The following SOX6 variants were observed in gnomAD, a reference collection of about 807,000 sequenced individuals.
SOX6 encodes the protein transcription factor SOX-6.
A neutral mutation model predicts 97.8 loss-of-function variants in SOX6; 11 were observed. The ratio of observed to expected loss-of-function variants is 0.11; its 90% confidence interval spans 0.07 to 0.19. SOX6 has a LOEUF of 0.19. Among genes scored for constraint, SOX6 ranks in the 10% least tolerant of loss-of-function variants. The probability of loss-of-function intolerance (pLI) is 1.00; values close to 1 mark genes in which losing one functional copy is unlikely to be tolerated. For synonymous variants in SOX6, 360 were observed against 371.4 expected (o/e 0.97, Z 0.35); for missense variants, 810 against 1,039.5 (o/e 0.78, Z 3.04).
At chr11:16,353,779 A>T (rs1291201948) in intron 1 of SOX6, among the ~76,000 whole-genome samples, 1 of 151,986 alleles carries the variant, frequency 6.6e-6, no homozygotes, top group African/African-American at 2.4e-5. Context: ...ACATATTTGC[A>T]CACCTACCAA....
At chr11:16,125,981 T>A (rs1849602043) in intron 6 of SOX6, among the ~76,000 whole-genome samples, 1 of 152,110 alleles carries the variant, frequency 6.6e-6, no homozygotes, top group Non-Finnish European at 1.5e-5. Flanking sequence ...GAAATTAGGA[T>A]ACAAGGAAAG....
At chr11:16,069,362 A>G (rs1428341091) in intron 9 of SOX6, among the ~76,000 whole-genome samples, 1 of 152,122 alleles carries the variant, frequency 6.6e-6, no homozygotes, top group Admixed American at 6.5e-5. Context: ...GTTCATACAT[A>G]CTCATTTCTC....
chr11:16,520,744 C>T (rs113501898), intron 4 of SOX6, among the ~76,000 whole-genome samples: 8 of 152,174 alleles, frequency 5.3e-5, no homozygotes, highest in South Asian at 4.1e-4. Context: ...GGGTGATGGA[C>T]GGCACCTGGA....
chr11:16,190,381 A>C (rs1565008855), intron 4 of SOX6, among the ~76,000 whole-genome samples: 1 of 152,200 alleles, frequency 6.6e-6, no homozygotes, highest in Non-Finnish European at 1.5e-5. Flanking sequence ...GCACAGACTC[A>C]GCCAATCTCG....
chr11:16,147,346 C>G (rs974556348), intron 6 of SOX6, among the ~76,000 whole-genome samples: 1 of 151,706 alleles, frequency 6.6e-6, no homozygotes, highest in Admixed American at 6.6e-5. Flanking sequence ...ACACTGGGGC[C>G]TGTTGTGGGG....
At chr11:16,018,862 C>A (rs1028485217) in intron 12 of SOX6, among the ~76,000 whole-genome samples, 1 of 151,902 alleles carries the variant, frequency 6.6e-6, no homozygotes, top group Non-Finnish European at 1.5e-5. Context: ...CAGTAAAGAC[C>A]ATAATGTAAA....
chr11:16,154,677 T>C lies in SOX6; in HGVS notation c.777+29209A>G, dbSNP rs180816162. On this transcript the variant is annotated intron_variant, in intron 6 of 15. Coordinates refer to ENST00000683767, the MANE Select transcript of SOX6 (RefSeq NM_001367873.1). Reference sequence around the variant, plus strand: ...TGCTTACAAAAAAAAATGCAACTTTTTGTCTTTACATAAAGACAAAATAAG... The same window carrying C: ...TGCTTACAAAAAAAAATGCAACTTTCTGTCTTTACATAAAGACAAAATAAG... 4.4e-4 allele frequency among the ~76,000 whole-genome samples: 67 copies of C among 152,270 alleles called. 1 individual carries two copies. The highest frequency in any genetic ancestry group is 4.1e-3 in the Admixed American group (63 of 15,270).
At chr11:16,177,993 G>A (rs1204822340) in intron 6 of SOX6, among the ~76,000 whole-genome samples, 1 of 151,950 alleles carries the variant, frequency 6.6e-6, no homozygotes, top group Non-Finnish European at 1.5e-5. Flanking sequence ...AGGGCGGGTT[G>A]TGTAGAGACT....
chr11:16,676,050 C>T (rs1275090483), intron 3 of SOX6, among the ~76,000 whole-genome samples: 2 of 148,102 alleles, frequency 1.4e-5, no homozygotes, highest in Non-Finnish European at 3.0e-5. Flanking sequence ...GGGACTCCAA[C>T]TATGCATAAC....
chr11:16,447,215 T>A (rs1211299355), intron 1 of SOX6, among the ~76,000 whole-genome samples: 1 of 152,174 alleles, frequency 6.6e-6, no homozygotes, highest in Non-Finnish European at 1.5e-5. Context: ...AAAAATTAAG[T>A]AATTTTTAAG....
intron 3 of SOX6, among the ~76,000 whole-genome samples, chr11:16,631,825 G>C (rs886978915): frequency 2.0e-5 from 3 of 151,998 alleles, no homozygotes; most frequent in Non-Finnish European, 2.9e-5. Context: ...TAGTTACAAA[G>C]ACTGGTCTTC....
chr11:16,629,065 C>T (rs928981789), intron 3 of SOX6, among the ~76,000 whole-genome samples: 3 of 152,136 alleles, frequency 2.0e-5, no homozygotes, highest in Non-Finnish European at 4.4e-5. Flanking sequence ...TTCTTCTTTT[C>T]CTATTTGGTT....
intron 4 of SOX6, among the ~76,000 whole-genome samples, chr11:16,511,393 A>T (rs1299191952): frequency 2.0e-5 from 3 of 152,144 alleles, no homozygotes; most frequent in Non-Finnish European, 2.9e-5. Context: ...TCTAGGGAGG[A>T]TTAAACCAAT....
intron 3 of SOX6, among the ~76,000 whole-genome samples, chr11:16,710,800 T>A: frequency 6.6e-6 from 1 of 152,222 alleles, no homozygotes; most frequent in East Asian, 1.9e-4. Flanking sequence ...CAGGTTTGAC[T>A]ATCTATCTAC....
At chr11:16,110,349 G>A (rs566311364) in intron 7 of SOX6, 1 of 149,960 alleles carries the variant, frequency 6.7e-6, no homozygotes, top group African/African-American at 2.5e-5. Flanking sequence ...TCAAAATGAA[G>A]AAGTAGTTTA....
chr11:16,445,640 G>T (rs1368926796), intron 1 of SOX6, among the ~76,000 whole-genome samples: 1 of 151,854 alleles, frequency 6.6e-6, no homozygotes, highest in Admixed American at 6.6e-5. Context: ...TTAATCCAAG[G>T]TCATCCTATT....
chr11:16,246,129 A>T (rs565102453), intron 3 of SOX6, among the ~76,000 whole-genome samples: 2 of 151,422 alleles, frequency 1.3e-5, no homozygotes, highest in African/African-American at 2.4e-5. Flanking sequence ...AACTTACAAC[A>T]GTCTACCTTC....
chr11:16,565,479 C>A (rs2133194789), intron 4 of SOX6, among the ~76,000 whole-genome samples: 1 of 150,864 alleles, frequency 6.6e-6, no homozygotes, highest in South Asian at 2.1e-4. Context: ...CATACTGAAA[C>A]AAATATGATA....
At chr11:15,978,098 T>C (rs4545520) in intron 15 of SOX6, among the ~76,000 whole-genome samples, 85,182 of 151,734 alleles carry the variant, frequency 0.56, 24,142 homozygotes, top group East Asian at 0.66. Flanking sequence ...TTGTCTCTCC[T>C]ATCTGAATCA....
Sources: allele counts gnomAD v4.1 joint callset (sites outside exome capture counted in the v4.1 genomes callset), GRCh38; gene constraint gnomAD v4.1.1; transcripts MANE v1.5; gene names NCBI Gene and HGNC (gene_info 2026-07-23, HGNC 2026-07-21).